Variants in ANXA4 observed in about 807,000 individuals in gnomAD.
ANXA4 encodes annexin A4.
A neutral mutation model predicts 49.8 loss-of-function variants in ANXA4; 39 were observed. The observed-to-expected ratio is 0.78, with a 90% CI of 0.61 to 1.02. ANXA4 has a LOEUF of 1.02. Ranked by LOEUF, ANXA4 falls within the 50% of genes least tolerant of loss-of-function variation. The pLI is 0.00. For missense variants in ANXA4, 360 were observed against 410.1 expected (o/e 0.88, Z 1.05); for synonymous variants, 134 against 152.5 (o/e 0.88, Z 0.89).
chr2:69,669,417 C>G (rs1201954781), intron 2 of ANXA4, among the ~76,000 whole-genome samples: 1 of 151,518 alleles, frequency 6.6e-6, no homozygotes, highest in African/African-American at 2.4e-5. Flanking sequence ...TGAGACCAGC[C>G]TGGCCAACAT....
chr2:69,773,553 T>TTTTG lies in ANXA4; in HGVS notation c.-46-7951_-46-7948dup, dbSNP rs993271375. On this transcript the variant is annotated intron_variant, in intron 1 of 12. Transcript: ENST00000394295. ...AAGGTCTTAAGTTTTGCCCCTGATT[T>TTTTG]TTTGTTTGTTTGTTTGTTTATCAAT... Among the ~76,000 whole-genome samples, 7 of 151,970 alleles carry TTTTG rather than the reference T, an allele frequency of 4.6e-5. No homozygotes were observed. In the South Asian group the frequency reaches 8.3e-4, roughly 18 times the overall value.
chr2:69,679,003 G>T (rs1451227760), intron 2 of ANXA4, among the ~76,000 whole-genome samples: 2 of 151,970 alleles, frequency 1.3e-5, no homozygotes, highest in Non-Finnish European at 2.9e-5. Context: ...TTTATATATT[G>T]CTGTATTAAC....
chr2:69,734,224 C>A (rs1323150117), intron 3 of ANXA4, among the ~76,000 whole-genome samples: 1 of 152,182 alleles, frequency 6.6e-6, no homozygotes, highest in African/African-American at 2.4e-5. Context: ...TGGCCAGCAG[C>A]CAGACTGGAC....
At chr2:69,814,047 C>T (rs1326529467) in intron 8 of ANXA4, among the ~76,000 whole-genome samples, 3 of 152,058 alleles carry the variant, frequency 2.0e-5, no homozygotes, top group Non-Finnish European at 4.4e-5. Flanking sequence ...CATGAGCCAC[C>T]GCGCCTGACC....
intron 1 of ANXA4, among the ~76,000 whole-genome samples, chr2:69,769,869 G>A (rs1266142785): frequency 6.6e-6 from 1 of 152,080 alleles, no homozygotes; most frequent in Non-Finnish European, 1.5e-5. Flanking sequence ...CCTCATGTTG[G>A]CCAGGCTGGT....
intron 3 of ANXA4, among the ~76,000 whole-genome samples, chr2:69,795,760 G>T (rs975748941): frequency 9.9e-5 from 15 of 152,200 alleles, no homozygotes; most frequent in African/African-American, 2.9e-4. Context: ...GGGCCATGAG[G>T]ATGCTGGCCC....
intron 2 of ANXA4, among the ~76,000 whole-genome samples, chr2:69,786,343 T>C (rs1672414961): frequency 6.6e-6 from 1 of 152,228 alleles, no homozygotes; most frequent in Admixed American, 6.5e-5. Flanking sequence ...CCATCTTAAC[T>C]ATTTCACCCT....
At chr2:69,708,748 T>A (rs1419355947) in intron 2 of ANXA4, among the ~76,000 whole-genome samples, 1 of 152,062 alleles carries the variant, frequency 6.6e-6, no homozygotes, top group Admixed American at 6.5e-5. Flanking sequence ...CGAGGTCAGC[T>A]TCTTTGCCTC....
intron 2 of ANXA4, among the ~76,000 whole-genome samples, chr2:69,694,051 ATT>A (rs1678070833): frequency 6.6e-6 from 1 of 152,088 alleles, no homozygotes; most frequent in Non-Finnish European, 1.5e-5. Flanking sequence ...AACGTATCTG[ATT>A]ATCATGGAAA....
At chr2:69,784,767 T>C (rs559194370) in intron 2 of ANXA4, among the ~76,000 whole-genome samples, 2 of 152,320 alleles carry the variant, frequency 1.3e-5, no homozygotes, top group South Asian at 4.1e-4. Flanking sequence ...CTGGGCCTCT[T>C]CCTAGCTTCT....
intron 2 of ANXA4, 42 bp from the exon 3 acceptor site, chr2:69,788,012 G>A (rs774278113): frequency 6.4e-7 from 1 of 1,551,864 alleles, no homozygotes; most frequent in Non-Finnish European, 8.9e-7. Flanking sequence ...CCGTGTTGGT[G>A]AGAGGCTGCC....
chr2:69,701,100 C>A (rs1249265046), intron 2 of ANXA4, among the ~76,000 whole-genome samples: 2 of 152,146 alleles, frequency 1.3e-5, no homozygotes, highest in South Asian at 4.2e-4. Flanking sequence ...GTCTCGAACT[C>A]CTGACCTCAA....
chr2:69,737,303 TGCACTATGCTCAGTGA>T (rs1439429460), upstream of ANXA4, among the ~76,000 whole-genome samples: 1 of 152,218 alleles, frequency 6.6e-6, no homozygotes, highest in Non-Finnish European at 1.5e-5. Flanking sequence ...TTTTGTCCAT[TGCACTATGCTCAGTGA>T]GCACTTTCAA....
chr2:69,651,407 T>C (rs1332953288), intron 1 of ANXA4, among the ~76,000 whole-genome samples: 1 of 152,230 alleles, frequency 6.6e-6, no homozygotes, highest in Non-Finnish European at 1.5e-5. Context: ...GTCTAGTTTC[T>C]TTTGATTCTT....
chr2:69,654,470 GTT>G (rs1676364524), intron 2 of ANXA4, among the ~76,000 whole-genome samples: 2 of 152,094 alleles, frequency 1.3e-5, no homozygotes, highest in Non-Finnish European at 2.9e-5. Context: ...TCAATACCTA[GTT>G]TATTGAGAGT....
At chr2:69,716,065 A>T (rs1279816683) in intron 2 of ANXA4, among the ~76,000 whole-genome samples, 1 of 152,178 alleles carries the variant, frequency 6.6e-6, no homozygotes, top group Non-Finnish European at 1.5e-5. Context: ...GGAGTGATCA[A>T]ACTGTATGTA....
intron 3 of ANXA4, among the ~76,000 whole-genome samples, chr2:69,794,562 G>A (rs999382113): frequency 7.2e-6 from 1 of 139,246 alleles, no homozygotes; most frequent in Middle Eastern, 3.2e-3. Flanking sequence ...GTTATGTTAT[G>A]TTATGTTATG....
At position 69,715,296 on chromosome 2, in the gene ANXA4, C is replaced by T. The variant is rs142712211; in HGVS notation, n.767-5478C>T. Among the ~76,000 whole-genome samples, 1,292 of 152,192 alleles carry T rather than the reference C, an allele frequency of 8.5e-3. 23 individuals carry two copies. Among genetic ancestry groups the T allele is most frequent in the African/African-American group, 0.029 (1,199 of 41,492 alleles). ...GCAATCTCCTCTCACCACAACCTCC[C>T]CCTCCTGGGTTCAAGCGATTCTCAC... On this transcript the variant is annotated intron_variant and non_coding_transcript_variant, in intron 2 of 3. Coordinates refer to the ANXA4 transcript ENST00000418066.
chr2:69,710,178 G>A (rs182600157), intron 2 of ANXA4, among the ~76,000 whole-genome samples: 1 of 151,766 alleles, frequency 6.6e-6, no homozygotes, highest in Non-Finnish European at 1.5e-5. Context: ...GTAGAGACAG[G>A]GTTTCACCAT....
Sources: allele counts gnomAD v4.1 joint callset (sites outside exome capture counted in the v4.1 genomes callset), GRCh38; gene constraint gnomAD v4.1.1; transcripts MANE v1.5; gene names NCBI Gene and HGNC (gene_info 2026-07-23, HGNC 2026-07-21).